Variants in ST6GALNAC3 observed in about 807,000 individuals in gnomAD.
ST6GALNAC3 encodes the protein ST6 N-acetylgalactosaminide alpha-2,6-sialyltransferase 3.
In ST6GALNAC3, 25 loss-of-function variants were observed where a neutral mutation model predicts 32.7. The ratio of observed to expected loss-of-function variants is 0.76; its 90% CI spans 0.56 to 1.07. The LOEUF is 1.07. Among genes scored for constraint, ST6GALNAC3 ranks in the 50% least tolerant of loss-of-function variants. The pLI is 0.00. For missense variants in ST6GALNAC3, 355 were observed against 382.4 expected, an observed-to-expected ratio of 0.93 and a Z score of 0.60; for synonymous variants, 129 against 133.1, an observed-to-expected ratio of 0.97 and a Z score of 0.21.
chr1:76,353,013 T>A lies in ST6GALNAC3; in HGVS notation c.213+39014T>A, dbSNP rs78409777. ...TTCTCCACTGGTCTCCTGCTTCCAC[T>A]CTCATCTTCCAGCCCTCACCCTCAT... On this transcript the variant is annotated intron_variant, in intron 2 of 4. Coordinates refer to ENST00000328299, the MANE Select transcript of ST6GALNAC3 (RefSeq NM_152996.4). Among the ~76,000 whole-genome samples, 463 of 152,142 alleles carry A rather than the reference T, an allele frequency of 3.0e-3. 3 individuals carry two copies. Among genetic ancestry groups the A allele is most frequent in the African/African-American group, 0.01 (425 of 41,500 alleles).
chr1:76,321,541 C>G (rs1646966723), intron 2 of ST6GALNAC3, among the ~76,000 whole-genome samples: 1 of 152,178 alleles, frequency 6.6e-6, no homozygotes, highest in Admixed American at 6.5e-5. Flanking sequence ...GCCACCACCA[C>G]CAAATGTTCA....
intron 3 of ST6GALNAC3, among the ~76,000 whole-genome samples, chr1:76,448,896 G>T (rs1177884891): frequency 6.6e-6 from 1 of 152,110 alleles, no homozygotes; most frequent in African/African-American, 2.4e-5. Context: ...GGAGTGCAGT[G>T]GTGCAATCTC....
At chr1:76,184,519 GCACACACACACACACACACACACACACA>G (rs71071992) in intron 1 of ST6GALNAC3, among the ~76,000 whole-genome samples, 11 of 134,104 alleles carry the variant, frequency 8.2e-5, no homozygotes, top group Non-Finnish European at 1.6e-4. Flanking sequence ...CTCCTGGGCA[GCACACACACACACACACACACACACACA>G]CACACACACA....
chr1:76,238,248 G>C (rs1557718011), intron 1 of ST6GALNAC3, among the ~76,000 whole-genome samples: 1 of 152,118 alleles, frequency 6.6e-6, no homozygotes, highest in Non-Finnish European at 1.5e-5. Context: ...ATCCTGCCGT[G>C]CTCTTTGAAG....
chr1:76,465,303 G>C (rs1270045611), intron 3 of ST6GALNAC3, among the ~76,000 whole-genome samples: 2 of 152,160 alleles, frequency 1.3e-5, no homozygotes, highest in African/African-American at 4.8e-5. Context: ...AGTCACTTCT[G>C]TGCAGTTTTA....
intron 1 of ST6GALNAC3, among the ~76,000 whole-genome samples, chr1:76,081,388 C>T (rs900075685): frequency 2.6e-5 from 4 of 151,762 alleles, no homozygotes; most frequent in South Asian, 4.2e-4. Flanking sequence ...TCCTGCGCTG[C>T]GGGTTGGACA....
intron 2 of ST6GALNAC3, among the ~76,000 whole-genome samples, chr1:76,375,907 T>A (rs1028368299): frequency 1.6e-4 from 25 of 152,152 alleles, no homozygotes; most frequent in Admixed American, 1.6e-3. Context: ...TTAAAACTTG[T>A]GTGAAAAATA....
At chr1:76,155,777 T>C (rs1025488059) in intron 1 of ST6GALNAC3, among the ~76,000 whole-genome samples, 1 of 152,110 alleles carries the variant, frequency 6.6e-6, no homozygotes, top group Admixed American at 6.5e-5. Context: ...GCGCCCGGCC[T>C]CCTATTTTTA....
At chr1:76,327,079 A>G (rs77307028) in intron 2 of ST6GALNAC3, among the ~76,000 whole-genome samples, 280 of 152,188 alleles carry the variant, frequency 1.8e-3, no homozygotes, top group African/African-American at 6.4e-3. Flanking sequence ...AATAATGCCT[A>G]TGTGTGTTGA....
chr1:76,093,886 A>G (rs1447677025), intron 1 of ST6GALNAC3, among the ~76,000 whole-genome samples: 2 of 152,344 alleles, frequency 1.3e-5, no homozygotes, highest in African/African-American at 2.4e-5. Context: ...CAGATGCCAC[A>G]TAAGCCAGAG....
intron 2 of ST6GALNAC3, among the ~76,000 whole-genome samples, chr1:76,378,757 C>T (rs576385410): frequency 6.6e-6 from 1 of 152,150 alleles, no homozygotes; most frequent in Non-Finnish European, 1.5e-5. Flanking sequence ...GCAGAATGGT[C>T]ATCTTAGGCT....
At chr1:76,229,306 G>T (rs1210653960) in intron 1 of ST6GALNAC3, among the ~76,000 whole-genome samples, 7 of 152,130 alleles carry the variant, frequency 4.6e-5, no homozygotes, top group Non-Finnish European at 4.4e-5. Context: ...CCCTAATTTT[G>T]TGTCCCCATT....
chr1:76,137,056 C>A (rs1649991737), intron 1 of ST6GALNAC3, among the ~76,000 whole-genome samples: 1 of 152,176 alleles, frequency 6.6e-6, no homozygotes, highest in Non-Finnish European at 1.5e-5. Flanking sequence ...TATTACAGAG[C>A]CAGGAAGTAA....
intron 1 of ST6GALNAC3, among the ~76,000 whole-genome samples, chr1:76,251,029 A>G (rs532680256): frequency 1.3e-5 from 2 of 152,182 alleles, no homozygotes; most frequent in Non-Finnish European, 2.9e-5. Flanking sequence ...GGCCTGTCAC[A>G]CATCTTTACA....
chr1:76,499,741 G>A (rs968711936), intron 3 of ST6GALNAC3, among the ~76,000 whole-genome samples: 2 of 152,168 alleles, frequency 1.3e-5, no homozygotes, highest in African/African-American at 4.8e-5. Flanking sequence ...AAGGAGGAAT[G>A]AAAAATTATA....
intron 3 of ST6GALNAC3, among the ~76,000 whole-genome samples, chr1:76,429,446 T>G (rs1233028250): frequency 1.3e-5 from 2 of 152,176 alleles, no homozygotes; most frequent in Non-Finnish European, 2.9e-5. Context: ...TTTATATCTA[T>G]ATCATAATAT....
chr1:76,081,412 G>A (rs1331546417), intron 1 of ST6GALNAC3, among the ~76,000 whole-genome samples: 1 of 152,064 alleles, frequency 6.6e-6, no homozygotes, highest in Non-Finnish European at 1.5e-5. Flanking sequence ...TATAGAGCTT[G>A]TCTTTTACCT....
rs1649272916 is a variant in ST6GALNAC3, at chr1:76,631,014, G to T, written c.*2208G>T. 1 of 985,434 alleles carries T rather than the reference G, an allele frequency of 1.0e-6. No individual in the cohort carries two copies. The highest frequency in any genetic ancestry group is 4.7e-5 in the South Asian group (1 of 21,288). 61.0% of individuals were successfully genotyped at this position (985,434 alleles called of 1,614,324 possible). On this transcript the variant is annotated 3_prime_UTR_variant, in exon 5 of 5. Transcript: ENST00000328299. ...ATAAATGAAGGGCCAACTCTTATTT[G>T]TTCTAGCCCCTACTGATGAGAAACA...
At chr1:76,270,302 T>A (rs541331315) in intron 1 of ST6GALNAC3, among the ~76,000 whole-genome samples, 40 of 151,034 alleles carry the variant, frequency 2.6e-4, no homozygotes, top group African/African-American at 9.2e-4. Context: ...AGGTCAGGAG[T>A]TCAAGACCAG....
Sources: allele counts gnomAD v4.1 joint callset (sites outside exome capture counted in the v4.1 genomes callset), GRCh38; gene constraint gnomAD v4.1.1; transcripts MANE v1.5; gene names NCBI Gene and HGNC (gene_info 2026-07-23, HGNC 2026-07-21).